The following DOCK11 variants were observed in gnomAD, a reference collection of about 807,000 sequenced individuals.
DOCK11 encodes the protein dedicator of cytokinesis 11, also known as dedicator of cytokinesis protein 11.
In DOCK11, 70 loss-of-function variants were observed where a neutral mutation model predicts 169.1. That is an observed-to-expected ratio of 0.41 (90% CI 0.34 to 0.51). The LOEUF is 0.51. Among genes scored for constraint, DOCK11 ranks in the 20% least tolerant of loss-of-function variants. The pLI is 0.10. For missense variants in DOCK11, 1,166 were observed against 1,538.8 expected (o/e 0.76, Z 4.05); for synonymous variants, 529 against 541.3 (o/e 0.98, Z 0.32).
chrX:118,565,653 C>T (rs760579613), intron 7 of DOCK11, among the ~76,000 whole-genome samples: 19 of 111,479 alleles, frequency 1.7e-4, no homozygotes, highest in Non-Finnish European at 3.4e-4. Context: ...AAAGTTTGAA[C>T]GGAGTGGAAA....
At chrX:118,675,156 A>G (rs1394314638) in intron 46 of DOCK11, among the ~76,000 whole-genome samples, 4 of 112,465 alleles carry the variant, frequency 3.6e-5, no homozygotes. Context: ...TCTTTGCACA[A>G]CGTGCTCTCT....
intron 6 of DOCK11, among the ~76,000 whole-genome samples, chrX:118,557,763 C>CAAAAAA (rs773728594): frequency 2.5e-4 from 6 of 24,335 alleles, no homozygotes; most frequent in East Asian, 1.8e-3. Flanking sequence ...GACTCTGTCT[C>CAAAAAA]AAAAAAAAAA....
chrX:118,654,876 C>T lies in DOCK11; in HGVS notation c.4912-28C>T, dbSNP rs2016028047. On this transcript the variant is annotated intron_variant, in intron 43 of 52. Transcript: ENST00000276202. ...TCAAAACACCTTGAGCATGTTCTGA[C>T]AGTTCTTTCTCTGTCATCCTTTTTC... is the stretch of plus-strand genomic sequence containing the variant. The T allele has an allele frequency of 3.3e-6, 4 of 1,206,507 alleles. No individual in the cohort carries two copies. The African/African-American group carries it at 7.0e-5, about 21-fold the overall frequency.
At chrX:118,515,790 T>C (rs954430677) in intron 1 of DOCK11, among the ~76,000 whole-genome samples, 4 of 107,153 alleles carry the variant, frequency 3.7e-5, no homozygotes, top group African/African-American at 6.9e-5. Flanking sequence ...AGAAAGCTAT[T>C]GCTTAGTAGT....
intron 1 of DOCK11, among the ~76,000 whole-genome samples, chrX:118,509,371 T>C (rs927550012): frequency 2.7e-5 from 3 of 111,421 alleles, no homozygotes. Flanking sequence ...CAAGTGATTC[T>C]CCTGCCTCAG....
chrX:118,668,705 G>A (rs754371842), intron 45 of DOCK11, among the ~76,000 whole-genome samples: 1 of 111,573 alleles, frequency 9.0e-6, no homozygotes, highest in Admixed American at 9.5e-5. Flanking sequence ...TACAAATATA[G>A]TGATAAATCT....
At chrX:118,591,273 T>C (rs996743843) in intron 19 of DOCK11, among the ~76,000 whole-genome samples, 1 of 111,930 alleles carries the variant, frequency 8.9e-6, no homozygotes, top group East Asian at 2.8e-4. Flanking sequence ...AGGGGAATAG[T>C]ATTTTTGCCA....
intron 31 of DOCK11, among the ~76,000 whole-genome samples, chrX:118,621,992 C>G (rs991044906): frequency 1.8e-5 from 2 of 111,663 alleles, no homozygotes; most frequent in Admixed American, 1.9e-4. Context: ...CAAGAATGTT[C>G]AATATCTAAC....
chrX:118,652,765 C>T (rs2015975890), intron 42 of DOCK11, among the ~76,000 whole-genome samples: 1 of 112,150 alleles, frequency 8.9e-6, no homozygotes, highest in Non-Finnish European at 1.9e-5. Context: ...AATCCTTTGC[C>T]AATAGGACTT....
chrX:118,520,105 A>G (rs190609455), intron 1 of DOCK11, among the ~76,000 whole-genome samples: 1 of 112,346 alleles, frequency 8.9e-6, no homozygotes, highest in African/African-American at 3.2e-5. Flanking sequence ...CTTGAAAGAA[A>G]TCCAAGTGTC....
At chrX:118,521,138 G>T (rs1305171340) in intron 1 of DOCK11, among the ~76,000 whole-genome samples, 3 of 112,018 alleles carry the variant, frequency 2.7e-5, no homozygotes, top group African/African-American at 9.7e-5. Context: ...ACATCTAGTT[G>T]GAAAGCAATA....
Position 118,683,208 on chromosome X carries a change from C to G in DOCK11, c.6093C>G (p.Ile2031Met), listed in dbSNP as rs766563271. 8.3e-7 allele frequency: 1 copy of G among 1,209,184 alleles called. No homozygotes were observed. Among genetic ancestry groups the G allele is most frequent in the Non-Finnish European group, 1.1e-6 (1 of 894,502 alleles). ...RDMVKELSDI[I>M]HEQILQEDTM... ...TGGTAAAAGAATTATCTGACATTAT[C>G]CATGAGCAGGCAAGTATTAGGGTGA... The change falls in exon 52 of 53, where the codon ATC (isoleucine) becomes ATG (methionine). Residue 2031 changes from isoleucine (I) to methionine (M), a missense_variant. By Grantham distance (10) the Ile-to-Met change is conservative. Coordinates refer to ENST00000276202, the MANE Select transcript of DOCK11 (RefSeq NM_144658.4).
Position 118,495,935 on chromosome X carries a change from TCCGC to T in DOCK11, c.-27_-24del, listed in dbSNP as rs1224975659. ...CAGTGAGTCCACCCGCCCGCCGAGGTCCGCCCGCCCGCCGAGACCCGCCCGCCGC... is the reference window on the plus strand; with the variant it reads ...CAGTGAGTCCACCCGCCCGCCGAGGTCCGCCCGCCGAGACCCGCCCGCCGC... On this transcript the variant is annotated 5_prime_UTR_variant, in exon 1 of 53. Coordinates refer to ENST00000276202, the MANE Select transcript of DOCK11 (RefSeq NM_144658.4). The T allele has an allele frequency of 3.1e-6, 3 of 976,017 alleles. No homozygotes were observed. The highest frequency in any genetic ancestry group is 7.7e-5 in the Admixed American group (2 of 26,048). The allele number at this position is 976,017 out of a possible 1,213,427, so 80.4% of individuals were successfully genotyped here. A position where few individuals can be genotyped will look rare whatever the true frequency, so the allele number is the denominator to read the frequency against.
chrX:118,557,695 T>C (rs1461696268), intron 6 of DOCK11, among the ~76,000 whole-genome samples: 5 of 84,238 alleles, frequency 5.9e-5, no homozygotes, highest in South Asian at 7.1e-4. Flanking sequence ...ACCCAGGAGG[T>C]GGAGCTTGCA....
At chrX:118,518,558 T>C (rs769703902) in intron 1 of DOCK11, among the ~76,000 whole-genome samples, 47 of 111,895 alleles carry the variant, frequency 4.2e-4, no homozygotes, top group African/African-American at 1.5e-3. Flanking sequence ...AGAAATGGTT[T>C]GTTGTATTTA....
chrX:118,656,625 C>CA (rs1270739162), intron 44 of DOCK11, among the ~76,000 whole-genome samples: 1 of 112,076 alleles, frequency 8.9e-6, no homozygotes, highest in Non-Finnish European at 1.9e-5. Context: ...ACCGTGATTT[C>CA]AAGTATGTCT....
chrX:118,661,925 G>C (rs1239190316), intron 44 of DOCK11, among the ~76,000 whole-genome samples: 1 of 111,904 alleles, frequency 8.9e-6, no homozygotes, highest in Non-Finnish European at 1.9e-5. Flanking sequence ...GAGAAGGCTA[G>C]TTTATTTATT....
At chrX:118,523,644 A>G (rs2011310066) in intron 1 of DOCK11, among the ~76,000 whole-genome samples, 1 of 112,294 alleles carries the variant, frequency 8.9e-6, no homozygotes, top group African/African-American at 3.2e-5. Context: ...GACTGAGTTT[A>G]TTCACATAAG....
chrX:118,538,633 C>T, intron 1 of DOCK11: 5 of 709,013 alleles, frequency 7.1e-6, no homozygotes, highest in Non-Finnish European at 8.4e-6. Flanking sequence ...TGCATAAATG[C>T]CTTCGCCTTT....
Sources: gnomAD v4.1 joint callset for allele counts (sites outside exome capture counted in the v4.1 genomes callset) on GRCh38, gnomAD v4.1.1 for gene constraint, MANE v1.5 for transcripts, NCBI Gene and HGNC (gene_info 2026-07-23, HGNC 2026-07-21) for gene names.